Variants in CRACR2A observed in about 807,000 individuals in gnomAD.
The protein encoded by CRACR2A is EF-hand calcium-binding domain-containing protein 4B.
In CRACR2A, 79 loss-of-function variants were observed where a neutral mutation model predicts 90.5. That is an observed-to-expected ratio of 0.87 (90% CI 0.73 to 1.05). The LOEUF (loss-of-function observed/expected upper bound fraction) is 1.05, where lower values mean the gene tolerates loss of function less well. CRACR2A is among the 50% of genes least tolerant of loss of function. The pLI is 0.00. For missense variants in CRACR2A, 823 were observed against 897.2 expected (o/e 0.92, Z 1.06); for synonymous variants, 338 against 356.7 (o/e 0.95, Z 0.59).
intron 17 of CRACR2A, among the ~76,000 whole-genome samples, chr12:3,621,672 A>AAAAAAAAAAAAAAAAAAAAAC (rs1565460356): frequency 6.9e-6 from 1 of 145,712 alleles, no homozygotes; most frequent in Non-Finnish European, 1.5e-5. Context: ...AAAAAAAAAA[A>AAAAAAAAAAAAAAAAAAAAAC]AAAAAAAAAC....
In CRACR2A at chr12:3,626,182, CAGA is replaced by C. The variant is rs1460668077; in HGVS notation, c.1932+1251_1932+1253del. 2.0e-5 allele frequency among the ~76,000 whole-genome samples: 3 copies of C among 151,794 alleles called. No homozygotes were observed. The East Asian group carries it at 5.8e-4, about 29-fold the overall frequency. ...ATTTTTCTTGGTAATCAGAAGGATG[CAGA>C]TTAACAAAAGACAGACGGGTGACCC... On this transcript the variant is annotated intron_variant, in intron 17 of 19. Transcript: ENST00000440314.
rs11832154 is a variant in CRACR2A, at chr12:3,626,347, G to A, written c.1932+1089C>T. Among the ~76,000 whole-genome samples, 1,329 of 152,312 alleles carry A rather than the reference G, an allele frequency of 8.7e-3. 23 individuals carry two copies. The highest frequency in any genetic ancestry group is 0.03 in the African/African-American group (1,243 of 41,552). On this transcript the variant is annotated intron_variant, in intron 17 of 19. Coordinates refer to ENST00000440314, the MANE Select transcript of CRACR2A (RefSeq NM_001144958.2). ...GTATCCATTCATTCATCCAGGAGTT[G>A]TTGGTCTCATGCAAAGCATCCAGGT...
chr12:3,709,338 C>T (rs1945975809), intron 3 of CRACR2A, among the ~76,000 whole-genome samples: 1 of 152,170 alleles, frequency 6.6e-6, no homozygotes, highest in South Asian at 2.1e-4. Flanking sequence ...GTGGATAATC[C>T]AATAAAGAGG....
At chr12:3,627,849 G>T in intron 15 of CRACR2A, 143 bp from the exon 16 acceptor site, 2 of 806,010 alleles carry the variant, frequency 2.5e-6, no homozygotes, top group Non-Finnish European at 4.1e-6. Context: ...GAGGCAAAAT[G>T]GAGAAAAGAA....
intron 5 of CRACR2A, 138 bp downstream of exon 5, chr12:3,680,100 C>G: frequency 1.6e-6 from 1 of 642,002 alleles, no homozygotes. Context: ...GCCTGGAGAC[C>G]TTGAGCTCCA....
At chr12:3,650,066 C>T (rs911456468) in intron 10 of CRACR2A, among the ~76,000 whole-genome samples, 2 of 152,194 alleles carry the variant, frequency 1.3e-5, no homozygotes, top group African/African-American at 4.8e-5. Context: ...TACAAGGGTT[C>T]ATAGTTTCAC....
chr12:3,726,309 G>A (rs570937466), intron 2 of CRACR2A: 25 of 152,098 alleles, frequency 1.6e-4, no homozygotes, highest in East Asian at 7.7e-4. Flanking sequence ...TTTAGTATAC[G>A]TGCTGCCAAA....
At chr12:3,645,101 G>A (rs1944660330) in intron 11 of CRACR2A, among the ~76,000 whole-genome samples, 1 of 152,210 alleles carries the variant, frequency 6.6e-6, no homozygotes, top group African/African-American at 2.4e-5. Context: ...TCACACCAAT[G>A]ACCAAAACAA....
intron 3 of CRACR2A, among the ~76,000 whole-genome samples, chr12:3,701,920 A>C (rs956931937): frequency 6.6e-6 from 1 of 152,188 alleles, no homozygotes; most frequent in African/African-American, 2.4e-5. Context: ...ATTCTTCAGG[A>C]AATTGTAACA....
At chr12:3,743,626 G>A (rs1946564713) in intron 1 of CRACR2A, among the ~76,000 whole-genome samples, 1 of 152,198 alleles carries the variant, frequency 6.6e-6, no homozygotes, top group Admixed American at 6.5e-5. Context: ...CTGAGCCTCA[G>A]TTTCCTCAAC....
intron 4 of CRACR2A, among the ~76,000 whole-genome samples, chr12:3,687,162 G>A (rs1945572802): frequency 6.6e-6 from 1 of 151,880 alleles, no homozygotes; most frequent in Non-Finnish European, 1.5e-5. Flanking sequence ...CCTGGAGGAG[G>A]GGCTTGCTCC....
chr12:3,622,903 G>A (rs146269520), intron 17 of CRACR2A, among the ~76,000 whole-genome samples: 162 of 151,994 alleles, frequency 1.1e-3, no homozygotes, highest in Non-Finnish European at 2.0e-3. Flanking sequence ...CTTGGAACGT[G>A]GAGAAAAAAA....
chr12:3,668,027 T>C (rs1945178199), intron 7 of CRACR2A, among the ~76,000 whole-genome samples: 1 of 152,352 alleles, frequency 6.6e-6, no homozygotes, highest in Non-Finnish European at 1.5e-5. Flanking sequence ...TCCTATTCTA[T>C]AAAGCAAACC....
intron 7 of CRACR2A, 94 bp from the exon 8 acceptor site, chr12:3,659,748 C>T: frequency 1.0e-6 from 1 of 993,168 alleles, no homozygotes; most frequent in Non-Finnish European, 1.6e-6. Flanking sequence ...AACTCTGGAG[C>T]TGTGGGTGTG....
chr12:3,703,491 A>T (rs527303533), intron 3 of CRACR2A, among the ~76,000 whole-genome samples: 1 of 152,370 alleles, frequency 6.6e-6, no homozygotes, highest in African/African-American at 2.4e-5. Context: ...AGAAGGAAAC[A>T]TCTTTGTGAC....
intron 10 of CRACR2A, among the ~76,000 whole-genome samples, chr12:3,652,341 TGAG>T (rs1008920655): frequency 1.3e-5 from 2 of 152,252 alleles, no homozygotes; most frequent in Non-Finnish European, 2.9e-5. Flanking sequence ...CTGTTCTCAA[TGAG>T]GAGGAACTGA....
At chr12:3,724,789 C>T (rs1460444942) in intron 2 of CRACR2A, among the ~76,000 whole-genome samples, 3 of 152,166 alleles carry the variant, frequency 2.0e-5, no homozygotes, top group Non-Finnish European at 4.4e-5. Context: ...GGGAGTGACC[C>T]TTACATTGAT....
chr12:3,627,174 G>A (rs1367212691), intron 17 of CRACR2A, among the ~76,000 whole-genome samples: 1 of 152,100 alleles, frequency 6.6e-6, no homozygotes, highest in African/African-American at 2.4e-5. Context: ...CACAGCTACT[G>A]GCATAATCTG....
intron 8 of CRACR2A, among the ~76,000 whole-genome samples, chr12:3,659,122 G>C (rs1238558276): frequency 6.6e-6 from 1 of 152,204 alleles, no homozygotes; most frequent in Admixed American, 6.5e-5. Context: ...GGTGAACTGG[G>C]CTGGTGCATT....
Sources: allele counts gnomAD v4.1 joint callset (sites outside exome capture counted in the v4.1 genomes callset), GRCh38; gene constraint gnomAD v4.1.1; transcripts MANE v1.5; gene names NCBI Gene and HGNC (gene_info 2026-07-23, HGNC 2026-07-21).